NUP93: variants seen among roughly 807,000 people sequenced by gnomAD.
NUP93 encodes nucleoporin 93.
Under a neutral mutation model 107.8 loss-of-function variants are expected in NUP93, and 55 were observed. The ratio of observed to expected loss-of-function variants is 0.51; its 90% CI spans 0.41 to 0.64. NUP93 has a LOEUF of 0.64. Among genes scored for constraint, NUP93 ranks in the 30% least tolerant of loss-of-function variants. NUP93 has a pLI of 0.00. For synonymous variants in NUP93, 390 were observed against 397.5 expected, an observed-to-expected ratio of 0.98 and a Z score of 0.22; for missense variants, 937 against 1,044.7, an observed-to-expected ratio of 0.90 and a Z score of 1.42.
chr16:56,766,995 A>G (rs1288827002), intron 3 of NUP93, among the ~76,000 whole-genome samples: 4 of 152,186 alleles, frequency 2.6e-5, no homozygotes, highest in Non-Finnish European at 4.4e-5. Flanking sequence ...CTTTCTTTTA[A>G]AGCATCTTTC....
At chr16:56,780,324 G>T (rs142709187) in intron 3 of NUP93, among the ~76,000 whole-genome samples, 1 of 152,168 alleles carries the variant, frequency 6.6e-6, no homozygotes. Flanking sequence ...TACAGTGCTC[G>T]TTAACACATG....
chr16:56,844,976 T>G lies in NUP93; in HGVS notation c.*367T>G, dbSNP rs1484812717. On this transcript the variant is annotated 3_prime_UTR_variant, in exon 22 of 22. Coordinates refer to ENST00000308159, the MANE Select transcript of NUP93 (RefSeq NM_014669.5). ...CAAAGCCTTTGGGAGTTACTTTTAT[T>G]TAGATATAATATTCCATATAGCAGA... is the stretch of plus-strand genomic sequence containing the variant. The G allele has an allele frequency of 6.4e-6, 2 of 313,746 alleles. No homozygotes were observed. The highest frequency in any genetic ancestry group is 1.2e-5 in the Non-Finnish European group (2 of 173,722). The allele number at this position is 313,746 out of a possible 1,614,324, so 19.4% of individuals were successfully genotyped here.
chr16:56,830,444 GA>G (rs1408862508), intron 9 of NUP93, 83 bp from the exon 10 acceptor site: 36 of 1,308,228 alleles, frequency 2.8e-5, no homozygotes, highest in Non-Finnish European at 3.4e-5. Context: ...TTATAAAGGA[GA>G]GGGGCTTAGC....
At chr16:56,736,255 AC>A (rs1290528396) in intron 1 of NUP93, among the ~76,000 whole-genome samples, 20 of 151,288 alleles carry the variant, frequency 1.3e-4, no homozygotes, top group African/African-American at 3.6e-4. Context: ...ATTGCTTGAA[AC>A]CGGGAGGTGG....
intron 1 of NUP93, among the ~76,000 whole-genome samples, chr16:56,738,618 C>T (rs1454259809): frequency 2.0e-5 from 3 of 152,080 alleles, no homozygotes; most frequent in Non-Finnish European, 4.4e-5. Flanking sequence ...TTTCCCTCTC[C>T]TCTCTCTTCC....
chr16:56,774,878 T>A (rs1055946981), intron 3 of NUP93, among the ~76,000 whole-genome samples: 5 of 151,776 alleles, frequency 3.3e-5, no homozygotes, highest in Non-Finnish European at 5.9e-5. Flanking sequence ...GTCACCAGAT[T>A]AAGGTTTTTT....
At chr16:56,765,718 T>C (rs982794420) in intron 3 of NUP93, among the ~76,000 whole-genome samples, 102 of 152,286 alleles carry the variant, frequency 6.7e-4, no homozygotes, top group African/African-American at 2.3e-3. Flanking sequence ...TCCTTGTCAT[T>C]AAACCCTGAC....
chr16:56,767,452 G>A (rs1962235145), intron 3 of NUP93, among the ~76,000 whole-genome samples: 1 of 152,156 alleles, frequency 6.6e-6, no homozygotes, highest in South Asian at 2.1e-4. Flanking sequence ...AATGTAAGTG[G>A]GAGTATGGAT....
intron 1 of NUP93, chr16:56,747,867 T>C (rs565229601): frequency 1.7e-4 from 27 of 157,468 alleles, no homozygotes; most frequent in Non-Finnish European, 3.6e-4. Flanking sequence ...GAGGTGCAGG[T>C]TGACTGTTCT....
At chr16:56,790,589 T>G (rs1166027035) in intron 3 of NUP93, among the ~76,000 whole-genome samples, 1 of 152,232 alleles carries the variant, frequency 6.6e-6, no homozygotes, top group African/African-American at 2.4e-5. Flanking sequence ...TAGTTTTTTA[T>G]CTTTGTACTA....
At position 56,844,914 on chromosome 16, in the gene NUP93, T is replaced by A. The variant is rs1438698850; in HGVS notation, c.*305T>A. The A allele has an allele frequency of 7.8e-6, 3 of 382,836 alleles. No homozygotes were observed. Among genetic ancestry groups the A allele is most frequent in the Non-Finnish European group, 1.4e-5 (3 of 217,056 alleles). 23.7% of individuals were successfully genotyped at this position (382,836 alleles called of 1,614,324 possible). A position where few individuals can be genotyped will look rare whatever the true frequency, so the allele number is the denominator to read the frequency against. Reference sequence around the variant, plus strand: ...ATTCATTATTTGGTTAAATTGACCTTAATTAATTAAAAATCTACCCAAAAT... The same window carrying A: ...ATTCATTATTTGGTTAAATTGACCTAAATTAATTAAAAATCTACCCAAAAT... On this transcript the variant is annotated 3_prime_UTR_variant, in exon 22 of 22. Transcript: ENST00000308159.
chr16:56,808,052 AAAATATATAT>A lies in NUP93; in HGVS notation c.489+2438_489+2447del, dbSNP rs1181637807. Among the ~76,000 whole-genome samples the A allele has an allele frequency of 1.2e-3, 174 of 143,386 alleles. 2 individuals are homozygous for A. The highest frequency in any genetic ancestry group is 4.2e-3 in the African/African-American group (166 of 39,214). The allele number at this position is 143,386 out of a possible 152,430, so 94.1% of individuals were successfully genotyped here. A position where few individuals can be genotyped will look rare whatever the true frequency, so the allele number is the denominator to read the frequency against. On this transcript the variant is annotated intron_variant, in intron 5 of 21. Coordinates refer to ENST00000308159, the MANE Select transcript of NUP93 (RefSeq NM_014669.5). ...ATATATATAAATATATATATTTCTA[AAAATATATAT>A]AAATATATATAAATATAAAAATATA...
chr16:56,790,280 G>C lies in NUP93; in HGVS notation c.298-8196G>C, dbSNP rs139937658. 8.5e-5 allele frequency among the ~76,000 whole-genome samples: 13 copies of C among 152,256 alleles called. No individual in the cohort carries two copies. The East Asian group carries it at 1.5e-3, about 18-fold the overall frequency. ...ATATTCTTATTTTATTTCAGTAATA[G>C]TGTCTAATGAAATAACCAAACATGC... On this transcript the variant is annotated intron_variant, in intron 3 of 21. Transcript: ENST00000308159.
chr16:56,748,753 G>A (rs1013776361), intron 2 of NUP93, among the ~76,000 whole-genome samples: 2 of 152,056 alleles, frequency 1.3e-5, no homozygotes, highest in Non-Finnish European at 2.9e-5. Context: ...GTCATAAATG[G>A]CTCCCGTTAT....
intron 1 of NUP93, among the ~76,000 whole-genome samples, chr16:56,747,716 A>G (rs948139626): frequency 6.6e-6 from 1 of 152,204 alleles, no homozygotes; most frequent in African/African-American, 2.4e-5. Context: ...CTTGGCATGT[A>G]ACTCAGCCTC....
At position 56,844,665 on chromosome 16, in the gene NUP93, G is replaced by T. The variant is rs752245687; in HGVS notation, c.*56G>T. 37 of 1,063,508 alleles carry T rather than the reference G, an allele frequency of 3.5e-5. No homozygotes were observed. Among genetic ancestry groups the T allele is most frequent in the African/African-American group, 6.5e-5 (4 of 61,578 alleles). The allele number at this position is 1,063,508 out of a possible 1,614,324, so 65.9% of individuals were successfully genotyped here. On this transcript the variant is annotated 3_prime_UTR_variant, in exon 22 of 22. Transcript: ENST00000308159. ...ACACTGTCAGTACATCAGGCACATGGGCCCACTAGGCTGGGGTTTCTGGTT... is the reference window on the plus strand; with the variant it reads ...ACACTGTCAGTACATCAGGCACATGTGCCCACTAGGCTGGGGTTTCTGGTT...
intron 5 of NUP93, among the ~76,000 whole-genome samples, chr16:56,808,552 A>T (rs1265468789): frequency 2.5e-5 from 3 of 117,812 alleles, no homozygotes; most frequent in African/African-American, 7.4e-5. Context: ...CTATAAATAT[A>T]TAAAAATATA....
At chr16:56,782,649 T>G (rs929197258) in intron 3 of NUP93, 3 of 152,048 alleles carry the variant, frequency 2.0e-5, no homozygotes, top group Non-Finnish European at 4.4e-5. Context: ...CAGGTGAGAG[T>G]GAGTGAGTGC....
chr16:56,797,328 T>C (rs903556659), intron 3 of NUP93, among the ~76,000 whole-genome samples: 17 of 152,220 alleles, frequency 1.1e-4, no homozygotes, highest in South Asian at 2.1e-4. Flanking sequence ...GTGGATCTGA[T>C]GTGTAAGGTA....
Sources: gnomAD v4.1 joint callset for allele counts (sites outside exome capture counted in the v4.1 genomes callset) on GRCh38, gnomAD v4.1.1 for gene constraint, MANE v1.5 for transcripts, NCBI Gene and HGNC (gene_info 2026-07-23, HGNC 2026-07-21) for gene names.